The following GPA33 variants were observed in gnomAD, a reference collection of about 807,000 sequenced individuals.
The protein encoded by GPA33 is glycoprotein A33, also known as cell surface A33 antigen.
Under a neutral mutation model 35.6 loss-of-function variants are expected in GPA33, and 27 were observed. That is an observed-to-expected ratio of 0.76 (90% CI 0.56 to 1.04). The LOEUF (loss-of-function observed/expected upper bound fraction) is 1.04, where lower values mean the gene tolerates loss of function less well. GPA33 is among the 50% of genes least tolerant of loss of function. GPA33 has a pLI of 0.00. For synonymous variants in GPA33, 176 were observed against 164.0 expected, an observed-to-expected ratio of 1.07 and a Z score of -0.56; for missense variants, 428 against 411.9, an observed-to-expected ratio of 1.04 and a Z score of -0.34.
At chr1:167,058,382 A>C (rs944172048) in intron 4 of GPA33, 1 of 152,202 alleles carries the variant, frequency 6.6e-6, no homozygotes, top group Non-Finnish European at 1.5e-5. Context: ...CCAGTCTCCC[A>C]AAGAAGACAG....
Position 167,054,183 on chromosome 1 carries a change from T to C in GPA33, c.*151A>G. 2.0e-6 allele frequency: 2 copies of C among 1,022,148 alleles called. No individual in the cohort carries two copies. Among genetic ancestry groups the C allele is most frequent in the South Asian group, 1.5e-5 (1 of 65,738 alleles). 63.3% of individuals were successfully genotyped at this position (1,022,148 alleles called of 1,614,324 possible). On this transcript the variant is annotated 3_prime_UTR_variant, in exon 7 of 7. Coordinates refer to ENST00000367868, the MANE Select transcript of GPA33 (RefSeq NM_005814.3). ...AGGGACCCCCTTACCAGGCCAGCCATGTTCCCCACAGCTGACACTGGGGAA... is the reference window on the plus strand; with the variant it reads ...AGGGACCCCCTTACCAGGCCAGCCACGTTCCCCACAGCTGACACTGGGGAA...
intron 2 of GPA33, among the ~76,000 whole-genome samples, chr1:167,071,117 C>T (rs1666709162): frequency 6.6e-6 from 1 of 151,762 alleles, no homozygotes; most frequent in Admixed American, 6.6e-5. Context: ...GATGAAGCCA[C>T]CCGGGATAAA....
At chr1:167,078,271 T>C (rs1666863329) in intron 1 of GPA33, among the ~76,000 whole-genome samples, 1 of 152,184 alleles carries the variant, frequency 6.6e-6, no homozygotes, top group African/African-American at 2.4e-5. Flanking sequence ...GCCCACAAAG[T>C]CATCTTCTTA....
intron 1 of GPA33, among the ~76,000 whole-genome samples, chr1:167,088,524 G>A (rs915510186): frequency 1.3e-5 from 2 of 152,156 alleles, no homozygotes; most frequent in Non-Finnish European, 2.9e-5. Flanking sequence ...TGGGAGGGAT[G>A]GGGCGGAGGT....
At chr1:167,087,758 T>C (rs908541861) in intron 1 of GPA33, among the ~76,000 whole-genome samples, 1 of 152,088 alleles carries the variant, frequency 6.6e-6, no homozygotes, top group East Asian at 1.9e-4. Flanking sequence ...CTACTAAAAA[T>C]ACAAAAAATT....
At chr1:167,086,659 C>G (rs1479554179) in intron 1 of GPA33, among the ~76,000 whole-genome samples, 1 of 152,190 alleles carries the variant, frequency 6.6e-6, no homozygotes, top group Non-Finnish European at 1.5e-5. Context: ...GCACAATCAG[C>G]CTCAAAATGT....
At chr1:167,072,166 G>C (rs1259731512) in intron 2 of GPA33, among the ~76,000 whole-genome samples, 1 of 152,102 alleles carries the variant, frequency 6.6e-6, no homozygotes, top group East Asian at 1.9e-4. Context: ...TCGAGGCCTT[G>C]AGTGTTCTAG....
intron 4 of GPA33, among the ~76,000 whole-genome samples, chr1:167,056,732 A>ATG (rs1558001961): frequency 1.7e-4 from 1 of 6,008 alleles, no homozygotes; most frequent in Admixed American, 1.9e-3. Context: ...TGTGTGATGT[A>ATG]TGTGGTGTGT....
At chr1:167,067,627 G>A (rs72689397) in intron 3 of GPA33, among the ~76,000 whole-genome samples, 3,215 of 152,190 alleles carry the variant, frequency 0.021, 53 homozygotes, top group Middle Eastern at 0.051. Context: ...GTGTGTATGG[G>A]ATGTCTATTG....
intron 1 of GPA33, among the ~76,000 whole-genome samples, chr1:167,085,684 A>T (rs542850365): frequency 2.6e-5 from 4 of 152,240 alleles, no homozygotes; most frequent in Non-Finnish European, 5.9e-5. Context: ...TTGTATGCAC[A>T]CTAATGTGGG....
intron 4 of GPA33, among the ~76,000 whole-genome samples, chr1:167,056,552 T>TGTG (rs1558001526): frequency 1.9e-4 from 4 of 20,932 alleles, no homozygotes; most frequent in Non-Finnish European, 3.3e-4. Flanking sequence ...GAGAGTAGTG[T>TGTG]GTGTATGGTA....
intron 4 of GPA33, among the ~76,000 whole-genome samples, chr1:167,062,266 A>C (rs1383941679): frequency 6.6e-6 from 1 of 151,232 alleles, no homozygotes; most frequent in Non-Finnish European, 1.5e-5. Flanking sequence ...CCAAGGCTGG[A>C]GTGCAGTGGT....
chr1:167,068,606 T>C (rs1300492967), intron 3 of GPA33, among the ~76,000 whole-genome samples: 10 of 152,150 alleles, frequency 6.6e-5, no homozygotes, highest in African/African-American at 2.4e-4. Context: ...GGATTTAAGA[T>C]TTTCCTTTAT....
chr1:167,067,177 G>C (rs139189832), intron 3 of GPA33, among the ~76,000 whole-genome samples: 9 of 152,142 alleles, frequency 5.9e-5, no homozygotes, highest in African/African-American at 2.2e-4. Context: ...TCGCTTGTTT[G>C]TTTTGAGGCC....
At chr1:167,089,591 A>G (rs1667117198) in intron 1 of GPA33, among the ~76,000 whole-genome samples, 1 of 152,166 alleles carries the variant, frequency 6.6e-6, no homozygotes, top group Admixed American at 6.5e-5. Context: ...ACACTGTGCT[A>G]TTAAGCACTT....
Position 167,090,303 on chromosome 1 carries a change from C to G in GPA33, c.-16G>C. The G allele has an allele frequency of 1.2e-6, 2 of 1,611,770 alleles. No homozygotes were observed. Among genetic ancestry groups the G allele is most frequent in the South Asian group, 2.2e-5 (2 of 90,992 alleles). The stretch of plus-strand genomic sequence containing the variant: ...TCCCCACCATGGTCTTGCTTCTTCT[C>G]TGCCCTAAACCTAACCTGTCACTGG... On this transcript the variant is annotated 5_prime_UTR_variant, in exon 1 of 7. Coordinates refer to ENST00000367868, the MANE Select transcript of GPA33 (RefSeq NM_005814.3).
chr1:167,083,398 C>A (rs1666991305), intron 1 of GPA33, among the ~76,000 whole-genome samples: 1 of 152,132 alleles, frequency 6.6e-6, no homozygotes, highest in Non-Finnish European at 1.5e-5. Context: ...AATGGTGAAG[C>A]CAGTCAGCCT....
At chr1:167,055,654 G>T in intron 5 of GPA33, 76 bp downstream of exon 5, 2 of 1,530,582 alleles carry the variant, frequency 1.3e-6, no homozygotes, top group Non-Finnish European at 9.0e-7. Context: ...CCTCACGGTG[G>T]TCTCAGCTGA....
At chr1:167,088,464 G>A (rs1667097169) in intron 1 of GPA33, among the ~76,000 whole-genome samples, 1 of 152,166 alleles carries the variant, frequency 6.6e-6, no homozygotes, top group African/African-American at 2.4e-5. Context: ...TGTAAGATAT[G>A]GAGGAAGAAA....
Sources: gnomAD v4.1 joint callset for allele counts (sites outside exome capture counted in the v4.1 genomes callset) on GRCh38, gnomAD v4.1.1 for gene constraint, MANE v1.5 for transcripts, NCBI Gene and HGNC (gene_info 2026-07-23, HGNC 2026-07-21) for gene names.